ARFGEF1: variants seen among roughly 807,000 people sequenced by gnomAD.
ARFGEF1 encodes ARF guanine nucleotide exchange factor 1, also known as brefeldin A-inhibited guanine nucleotide-exchange protein 1.
ARFGEF1 carries 42 observed loss-of-function variants against 231.0 expected under a neutral mutation model. That is an observed-to-expected ratio of 0.18 (90% CI 0.14 to 0.24). ARFGEF1 has a LOEUF of 0.24. Among genes scored for constraint, ARFGEF1 ranks in the 10% least tolerant of loss-of-function variants. The probability of loss-of-function intolerance (pLI) is 1.00; values close to 1 mark genes in which losing one functional copy is unlikely to be tolerated. For synonymous variants in ARFGEF1, 710 were observed against 732.3 expected, an observed-to-expected ratio of 0.97 and a Z score of 0.49; for missense variants, 1,345 against 2,192.0, an observed-to-expected ratio of 0.61 and a Z score of 7.72.
chr8:67,330,956 G>A (rs565310950), intron 1 of ARFGEF1, among the ~76,000 whole-genome samples: 2 of 152,188 alleles, frequency 1.3e-5, no homozygotes, highest in African/African-American at 2.4e-5. Context: ...TATAAGAAGA[G>A]AAGGCAAGAA....
intron 1 of ARFGEF1, among the ~76,000 whole-genome samples, chr8:67,308,256 C>A (rs971541882): frequency 1.3e-5 from 2 of 152,154 alleles, no homozygotes; most frequent in African/African-American, 4.8e-5. Flanking sequence ...AAAATGATCA[C>A]TGCATTACAC....
chr8:67,258,518 G>C (rs1840536513), intron 15 of ARFGEF1, among the ~76,000 whole-genome samples: 1 of 151,948 alleles, frequency 6.6e-6, no homozygotes, highest in South Asian at 2.1e-4. Context: ...AATAGAGACA[G>C]GGTTTCACCA....
intron 23 of ARFGEF1, among the ~76,000 whole-genome samples, chr8:67,232,139 C>CT (rs1305000948): frequency 2.6e-4 from 40 of 151,980 alleles, no homozygotes; most frequent in Non-Finnish European, 1.5e-5. Context: ...AGTTTCCAGA[C>CT]TATCAAGGAA....
At chr8:67,271,995 G>T in intron 9 of ARFGEF1, 59 bp from the exon 10 acceptor site, 1 of 1,021,502 alleles carries the variant, frequency 9.8e-7, no homozygotes, top group Non-Finnish European at 1.4e-6. Context: ...AGTAATAACA[G>T]GTTGTTCCAA....
chr8:67,280,651 T>C (rs1400949870), intron 7 of ARFGEF1, among the ~76,000 whole-genome samples: 3 of 152,116 alleles, frequency 2.0e-5, no homozygotes, highest in Non-Finnish European at 2.9e-5. Context: ...GTTGACAACA[T>C]GGTGAATGAT....
At chr8:67,248,471 C>T (rs1484559419) in intron 19 of ARFGEF1, among the ~76,000 whole-genome samples, 1 of 150,338 alleles carries the variant, frequency 6.7e-6, no homozygotes, top group African/African-American at 2.5e-5. Flanking sequence ...TTTATCTTGC[C>T]ATATACAAAA....
intron 37 of ARFGEF1, among the ~76,000 whole-genome samples, chr8:67,200,859 T>C (rs1838301709): frequency 6.6e-6 from 1 of 152,198 alleles, no homozygotes; most frequent in African/African-American, 2.4e-5. Context: ...TCACTGACCC[T>C]TGTGAGGCCC....
intron 19 of ARFGEF1, among the ~76,000 whole-genome samples, chr8:67,250,569 T>G (rs1483603438): frequency 6.6e-6 from 1 of 152,222 alleles, no homozygotes; most frequent in Non-Finnish European, 1.5e-5. Flanking sequence ...TGTAGTCATC[T>G]TTTACTACCC....
intron 1 of ARFGEF1, among the ~76,000 whole-genome samples, chr8:67,303,610 C>T (rs1413819704): frequency 6.6e-6 from 1 of 151,844 alleles, no homozygotes; most frequent in East Asian, 1.9e-4. Flanking sequence ...GCTACTCGGA[C>T]GGCTGAGGCA....
intron 1 of ARFGEF1, among the ~76,000 whole-genome samples, chr8:67,313,733 G>C (rs1382136494): frequency 6.6e-6 from 1 of 152,142 alleles, no homozygotes; most frequent in Non-Finnish European, 1.5e-5. Context: ...TTTTGTGCTG[G>C]TTGGCCTCCT....
intron 5 of ARFGEF1, chr8:67,179,958 G>T: frequency 8.1e-7 from 1 of 1,238,484 alleles, no homozygotes; most frequent in Non-Finnish European, 1.2e-6. Context: ...AGGCTATATT[G>T]TTTAAATATT....
chr8:67,306,004 A>C (rs1053975682), intron 1 of ARFGEF1, among the ~76,000 whole-genome samples: 1 of 152,202 alleles, frequency 6.6e-6, no homozygotes, highest in Non-Finnish European at 1.5e-5. Flanking sequence ...AATTTCACAG[A>C]CAGAAGATTC....
At chr8:67,181,338 ATTTTTTT>A (rs58029238) in intron 5 of ARFGEF1, among the ~76,000 whole-genome samples, 14 of 112,642 alleles carry the variant, frequency 1.2e-4, no homozygotes, top group East Asian at 1.0e-3. Context: ...GTACCTGGCC[ATTTTTTT>A]TTTTTTTTTT....
chr8:67,341,425 CA>C (rs1186065653), intron 1 of ARFGEF1, among the ~76,000 whole-genome samples: 27,682 of 88,052 alleles, frequency 0.31, 2,838 homozygotes, highest in East Asian at 0.38. Flanking sequence ...CCATCTCCAC[CA>C]AAAAAAAAAA....
At chr8:67,264,002 T>C (rs1353402089) in intron 14 of ARFGEF1, among the ~76,000 whole-genome samples, 2 of 152,076 alleles carry the variant, frequency 1.3e-5, no homozygotes, top group Non-Finnish European at 2.9e-5. Flanking sequence ...TAATAAATAG[T>C]TCTGCATTGT....
At chr8:67,232,555 A>G (rs1313302394) in intron 23 of ARFGEF1, among the ~76,000 whole-genome samples, 1 of 152,008 alleles carries the variant, frequency 6.6e-6, no homozygotes, top group African/African-American at 2.4e-5. Context: ...AAGGGGAATA[A>G]GTTTTCTACG....
chr8:67,329,518 G>C lies in ARFGEF1; in HGVS notation c.124+13646C>G, dbSNP rs1807999531. ...CACTCCAGCCTGGGCGACAGAGTAAGACTCCATCTCAAAATAAATAAATAA... is the reference window on the plus strand; with the variant it reads ...CACTCCAGCCTGGGCGACAGAGTAACACTCCATCTCAAAATAAATAAATAA... On this transcript the variant is annotated intron_variant, in intron 1 of 38. Transcript: ENST00000262215. Among the ~76,000 whole-genome samples the C allele has an allele frequency of 1.1e-4, 16 of 149,500 alleles. 1 individual carries two copies. The highest frequency in any genetic ancestry group is 1.1e-3 in the Admixed American group (16 of 14,968).
intron 1 of ARFGEF1, among the ~76,000 whole-genome samples, chr8:67,339,037 A>G (rs997445069): frequency 6.6e-6 from 1 of 152,214 alleles, no homozygotes; most frequent in Non-Finnish European, 1.5e-5. Context: ...GGTGGGATTA[A>G]AGGGGCAGAA....
intron 14 of ARFGEF1, among the ~76,000 whole-genome samples, chr8:67,264,625 G>A (rs963369256): frequency 1.3e-5 from 2 of 152,108 alleles, no homozygotes; most frequent in African/African-American, 2.4e-5. Flanking sequence ...AAAGGTAGGA[G>A]AGAAACAGGA....
Sources: gnomAD v4.1 joint callset for allele counts (sites outside exome capture counted in the v4.1 genomes callset) on GRCh38, gnomAD v4.1.1 for gene constraint, MANE v1.5 for transcripts, NCBI Gene and HGNC (gene_info 2026-07-23, HGNC 2026-07-21) for gene names.